The following TBCE variants were observed in gnomAD, a reference collection of about 807,000 sequenced individuals.
The protein encoded by TBCE is tubulin folding cofactor E.
Under a neutral mutation model 77.0 loss-of-function variants are expected in TBCE, and 53 were observed. The observed-to-expected ratio is 0.69, with a 90% confidence interval of 0.55 to 0.87. The LOEUF (loss-of-function observed/expected upper bound fraction) is 0.87, where lower values mean the gene tolerates loss of function less well. Ranked by LOEUF, TBCE falls within the 40% of genes least tolerant of loss-of-function variation. The pLI, the probability that TBCE is intolerant of heterozygous loss-of-function variation, is 0.00. For missense variants in TBCE, 624 were observed against 622.4 expected (o/e 1.00, Z -0.03); for synonymous variants, 235 against 241.3 (o/e 0.97, Z 0.24).
At chr1:235,434,039 A>AC (rs1681266942) in intron 7 of TBCE, 165 bp from the exon 8 acceptor site, 4 of 689,502 alleles carry the variant, frequency 5.8e-6, no homozygotes, top group Non-Finnish European at 5.2e-6. Context: ...TTTATTTATC[A>AC]CCCCCCACCA....
chr1:235,401,583 T>C lies in TBCE; in HGVS notation c.181T>C (p.Cys61Arg), dbSNP rs779727090. 6.2e-6 allele frequency: 10 copies of C among 1,613,256 alleles called. No individual in the cohort carries two copies. Among genetic ancestry groups the C allele is most frequent in the Non-Finnish European group, 8.5e-6 (10 of 1,179,364 alleles). ...GSHEGTVYFK[C>R]RHPTGGSFIR... is the part of the protein sequence containing the mutation. ...CCACGAAGGGACTGTGTATTTTAAA[T>C]GCAGGTAACTTTTCATTATGAATCA... Residue 61 changes from cysteine to arginine, a missense_variant, in exon 3 of 17, where the codon TGC becomes CGC. Cys to Arg is a radical substitution (Grantham distance 180). Transcript: ENST00000642610.
chr1:235,378,504 A>G lies in TBCE; in HGVS notation c.-31-1515A>G, dbSNP rs994735906. The stretch of plus-strand genomic sequence containing the variant: ...CTCCCAAAGCGCTGAGATTACAGGC[A>G]TGAGCAACCGTGCCCAGCCAACACT... On this transcript the variant is annotated intron_variant, in intron 1 of 16. Coordinates refer to ENST00000642610, the MANE Select transcript of TBCE (RefSeq NM_003193.5). Among the ~76,000 whole-genome samples, 3 of 152,302 alleles carry G rather than the reference A, an allele frequency of 2.0e-5. No homozygotes were observed. In the East Asian group the frequency reaches 5.8e-4, roughly 29 times the overall value.
At chr1:235,395,048 T>C (rs961837017) in intron 2 of TBCE, among the ~76,000 whole-genome samples, 1 of 152,342 alleles carries the variant, frequency 6.6e-6, no homozygotes, top group South Asian at 2.1e-4. Context: ...ATTGTCTGGA[T>C]GTACCACGGT....
chr1:235,394,788 C>G (rs1165666205), intron 2 of TBCE, among the ~76,000 whole-genome samples: 1 of 152,098 alleles, frequency 6.6e-6, no homozygotes, highest in Non-Finnish European at 1.5e-5. Flanking sequence ...TCATAGCTCA[C>G]TGAAGCCTCA....
intron 2 of TBCE, among the ~76,000 whole-genome samples, chr1:235,396,353 C>T (rs1455026411): frequency 2.0e-5 from 3 of 152,142 alleles, no homozygotes; most frequent in Admixed American, 6.6e-5. Context: ...CCACCGTGCC[C>T]GGCCCTTATG....
At position 235,449,384 on chromosome 1, in the gene TBCE, G is replaced by A. The variant is rs1205687884; in HGVS notation, c.*622G>A. Reference sequence around the variant, plus strand: ...AGGTAAACATTAGGCAATGATAGGAGGAAAGCAAAACTAATTCTTTCAAAA... The same window carrying A: ...AGGTAAACATTAGGCAATGATAGGAAGAAAGCAAAACTAATTCTTTCAAAA... On this transcript the variant is annotated 3_prime_UTR_variant, in exon 17 of 17. Coordinates refer to ENST00000642610, the MANE Select transcript of TBCE (RefSeq NM_003193.5). 2.0e-5 allele frequency: 3 copies of A among 153,108 alleles called. No individual in the cohort carries two copies. Among genetic ancestry groups the A allele is most frequent in the South Asian group, 2.0e-4 (1 of 4,908 alleles). 9.5% of individuals were successfully genotyped at this position (153,108 alleles called of 1,614,324 possible). A position where few individuals can be genotyped will look rare whatever the true frequency, so the allele number is the denominator to read the frequency against.
chr1:235,433,913 T>G (rs143559700), intron 7 of TBCE: 99 of 463,278 alleles, frequency 2.1e-4, no homozygotes, highest in African/African-American at 1.7e-3. Context: ...GCAGTTAGTA[T>G]CTCCTGTTCC....
At position 235,430,757 on chromosome 1, in the gene TBCE, G is replaced by T; in HGVS notation, c.613G>T (p.Val205Leu). The T allele has an allele frequency of 6.2e-7, 1 of 1,613,714 alleles. No homozygotes were observed. The highest frequency in any genetic ancestry group is 8.5e-7 in the Non-Finnish European group (1 of 1,179,856). ...SGSVLTGTLS[V>L]LKVLVLNQTG... ...TTCAGTATTAACTGGAACGCTTTCT[G>T]TACTGAAGGTTTTAGTCCTCAATCA... Residue 205 changes from valine (V) to leucine (L), a missense_variant, in exon 7 of 17, where the codon GTA becomes TTA. By Grantham distance (32) the Val-to-Leu change is conservative (BLOSUM62 1). Coordinates refer to ENST00000642610, the MANE Select transcript of TBCE (RefSeq NM_003193.5).
intron 4 of TBCE, among the ~76,000 whole-genome samples, chr1:235,417,845 C>T (rs12121244): frequency 1.6e-3 from 243 of 151,532 alleles, no homozygotes; most frequent in Non-Finnish European, 2.7e-3. Flanking sequence ...GGTGTGATCT[C>T]GGCTCACTGC....
At position 235,451,322 on chromosome 1, in the gene TBCE, A is replaced by G. The variant is rs1193600160; in HGVS notation, c.*2560A>G. ...TCTGGGGCTGGTAGTCAGTCTGTGTAAGCCCAACAGTTCCAAGCCAAAAAT... is the reference window on the plus strand; with the variant it reads ...TCTGGGGCTGGTAGTCAGTCTGTGTGAGCCCAACAGTTCCAAGCCAAAAAT... On this transcript the variant is annotated 3_prime_UTR_variant, in exon 17 of 17. Coordinates refer to ENST00000642610, the MANE Select transcript of TBCE (RefSeq NM_003193.5). 6.6e-6 allele frequency: 1 copy of G among 152,184 alleles called. No homozygotes were observed. Among genetic ancestry groups the G allele is most frequent in the East Asian group, 1.9e-4 (1 of 5,200 alleles). 9.4% of individuals were successfully genotyped at this position (152,184 alleles called of 1,614,324 possible).
intron 15 of TBCE, among the ~76,000 whole-genome samples, chr1:235,445,580 G>A (rs888159583): frequency 2.0e-5 from 3 of 152,172 alleles, no homozygotes; most frequent in Non-Finnish European, 4.4e-5. Context: ...AGGCTGCAGT[G>A]AGCTGTGATT....
At chr1:235,427,007 CT>C in intron 5 of TBCE, 132 bp from the exon 6 acceptor site, 1 of 688,192 alleles carries the variant, frequency 1.5e-6, no homozygotes, top group Non-Finnish European at 2.5e-6. Context: ...TTATGTACTC[CT>C]GAAAAAATTT....
In TBCE at chr1:235,430,699, A is replaced by G; in HGVS notation, c.561-6A>G. 3 of 1,601,756 alleles carry G rather than the reference A, an allele frequency of 1.9e-6. No individual in the cohort carries two copies. Among genetic ancestry groups the G allele is most frequent in the South Asian group, 1.1e-5 (1 of 90,184 alleles). On this transcript the variant is annotated splice_region_variant and splice_polypyrimidine_tract_variant and intron_variant, in intron 6 of 16. Transcript: ENST00000642610. ...TAAGTACATTGTATCTTTTTTTTCT[A>G]CACAGTGAAAATAAACTAAAATTTC...
chr1:235,434,399 A>G (rs1312589323), intron 8 of TBCE, 119 bp downstream of exon 8: 3 of 900,108 alleles, frequency 3.3e-6, no homozygotes, highest in Admixed American at 3.8e-5. Flanking sequence ...GAATTAGGAA[A>G]AATGCTTATT....
intron 14 of TBCE, 94 bp from the exon 15 acceptor site, chr1:235,442,758 C>G (rs2102940298): frequency 6.5e-5 from 75 of 1,157,852 alleles, no homozygotes; most frequent in Non-Finnish European, 8.6e-5. Flanking sequence ...GCACTGAATA[C>G]CTCTATCATT....
Position 235,392,945 on chromosome 1 carries a change from G to A in TBCE, c.101-8558G>A, listed in dbSNP as rs376283126. 5.9e-5 allele frequency among the ~76,000 whole-genome samples: 9 copies of A among 151,654 alleles called. No homozygotes were observed. The East Asian group carries it at 1.2e-3, about 20-fold the overall frequency. On this transcript the variant is annotated intron_variant, in intron 2 of 16. Transcript: ENST00000642610. ...GTGGGAGGATTGCTTGAGCCCATAA[G>A]TTCATGGCTGCAATGAGCTATAATC...
intron 1 of TBCE, among the ~76,000 whole-genome samples, chr1:235,372,627 AAG>A (rs765140404): frequency 7.3e-5 from 11 of 150,130 alleles, no homozygotes; most frequent in Admixed American, 6.7e-5. Context: ...ACCAATAGAA[AAG>A]AGAGAGAGAG....
intron 15 of TBCE, among the ~76,000 whole-genome samples, chr1:235,444,372 T>C (rs1682101939): frequency 6.6e-6 from 1 of 152,212 alleles, no homozygotes; most frequent in Non-Finnish European, 1.5e-5. Context: ...GGAGACAGAC[T>C]AGTCAAAGAG....
intron 2 of TBCE, among the ~76,000 whole-genome samples, chr1:235,385,438 T>A (rs867617228): frequency 0.15 from 23,323 of 151,142 alleles, 2,418 homozygotes; most frequent in African/African-American, 0.29. Context: ...CCCATTATCA[T>A]TGTGTGGGAG....
Sources: gnomAD v4.1 joint callset for allele counts (sites outside exome capture counted in the v4.1 genomes callset) on GRCh38, gnomAD v4.1.1 for gene constraint, MANE v1.5 for transcripts, NCBI Gene and HGNC (gene_info 2026-07-23, HGNC 2026-07-21) for gene names.